LRP1B: variants seen among roughly 807,000 people sequenced by gnomAD.
LRP1B encodes LDL receptor related protein 1B.
In LRP1B, 217 loss-of-function variants were observed where a neutral mutation model predicts 556.6. The ratio of observed to expected loss-of-function variants is 0.39; its 90% CI spans 0.35 to 0.44. The LOEUF is 0.44. LRP1B is among the 20% of genes least tolerant of loss of function. LRP1B has a pLI of 1.00. For synonymous variants in LRP1B, 2,047 were observed against 1,865.8 expected (o/e 1.10, Z -2.50); for missense variants, 5,053 against 5,620.8 (o/e 0.90, Z 3.23).
intron 7 of LRP1B, among the ~76,000 whole-genome samples, chr2:141,089,201 C>G (rs1363057248): frequency 6.6e-6 from 1 of 152,214 alleles, no homozygotes; most frequent in Non-Finnish European, 1.5e-5. Flanking sequence ...CCTTCAGGCA[C>G]AGCGGGCTCT....
At chr2:141,618,241 A>G (rs112843755) in intron 2 of LRP1B, among the ~76,000 whole-genome samples, 2 of 152,214 alleles carry the variant, frequency 1.3e-5, no homozygotes, top group African/African-American at 2.4e-5. Context: ...TGGTGGTGAC[A>G]GTGATTACAG....
rs944847946 is a variant in LRP1B at position 142,014,583 on chromosome 2, G to A, written c.82+116065C>T. ...AATTTTATGTGAAAAGAAAGAAGAG[G>A]AACCAAAAAAAGAGCTGTCACAAAG... On this transcript the variant is annotated intron_variant, in intron 1 of 90. Transcript: ENST00000389484. 2.0e-5 allele frequency among the ~76,000 whole-genome samples: 3 copies of A among 151,976 alleles called. No individual in the cohort carries two copies. In the East Asian group the frequency reaches 5.8e-4, roughly 29 times the overall value.
chr2:141,369,138 C>A (rs1689142960), intron 3 of LRP1B, among the ~76,000 whole-genome samples: 1 of 151,778 alleles, frequency 6.6e-6, no homozygotes, highest in Admixed American at 6.6e-5. Context: ...CACAACTAAC[C>A]AAAATAAAAC....
intron 60 of LRP1B, among the ~76,000 whole-genome samples, chr2:140,468,061 T>C (rs1687620630): frequency 6.6e-6 from 1 of 152,144 alleles, no homozygotes; most frequent in African/African-American, 2.4e-5. Context: ...AATGTAAGAA[T>C]GACCTCAAAA....
intron 2 of LRP1B, among the ~76,000 whole-genome samples, chr2:141,646,000 T>C (rs7559977): frequency 0.018 from 2,664 of 152,208 alleles, 77 homozygotes; most frequent in African/African-American, 0.06. Flanking sequence ...GGATTTAAAC[T>C]CAGAAACTTT....
chr2:140,670,331 C>CA (rs987839151), intron 41 of LRP1B, among the ~76,000 whole-genome samples: 1 of 151,786 alleles, frequency 6.6e-6, no homozygotes, highest in African/African-American at 2.4e-5. Context: ...AAGATATTGA[C>CA]AAAAAAAGGT....
intron 2 of LRP1B, among the ~76,000 whole-genome samples, chr2:141,588,229 A>T (rs906006597): frequency 3.2e-4 from 48 of 147,776 alleles, no homozygotes; most frequent in Admixed American, 5.4e-4. Flanking sequence ...ATTAATCCCC[A>T]ACTTAGGACT....
intron 84 of LRP1B, among the ~76,000 whole-genome samples, chr2:140,284,225 G>A (rs1683029769): frequency 6.6e-6 from 1 of 151,364 alleles, no homozygotes; most frequent in African/African-American, 2.4e-5. Flanking sequence ...AATTCTGATA[G>A]AATCCTAAAG....
intron 1 of LRP1B, among the ~76,000 whole-genome samples, chr2:142,018,820 C>A (rs1328958109): frequency 6.6e-6 from 1 of 151,616 alleles, no homozygotes; most frequent in Non-Finnish European, 1.5e-5. Flanking sequence ...AGATTTGGAG[C>A]TTTCACTAGC....
chr2:142,055,040 T>G (rs4662370), intron 1 of LRP1B, among the ~76,000 whole-genome samples: 89,383 of 151,930 alleles, frequency 0.59, 28,028 homozygotes, highest in East Asian at 0.68. Flanking sequence ...CGTCTTTGCC[T>G]CACCAAATAT....
At chr2:140,881,616 G>A (rs1693477866) in intron 25 of LRP1B, among the ~76,000 whole-genome samples, 4 of 151,862 alleles carry the variant, frequency 2.6e-5, no homozygotes, top group Admixed American at 2.6e-4. Context: ...AGAAATGATT[G>A]TATAAGCATT....
intron 66 of LRP1B, among the ~76,000 whole-genome samples, chr2:140,430,307 T>C (rs960363788): frequency 6.6e-6 from 1 of 152,172 alleles, no homozygotes; most frequent in African/African-American, 2.4e-5. Flanking sequence ...TTTATACTGA[T>C]TCTAAATATG....
At chr2:140,691,729 C>T (rs868257790) in intron 41 of LRP1B, among the ~76,000 whole-genome samples, 1 of 152,016 alleles carries the variant, frequency 6.6e-6, no homozygotes, top group African/African-American at 2.4e-5. Context: ...GTTGCTAATG[C>T]AATTAAATTC....
chr2:140,826,862 T>G (rs1431316198), intron 31 of LRP1B, among the ~76,000 whole-genome samples: 3 of 152,028 alleles, frequency 2.0e-5, no homozygotes, highest in Non-Finnish European at 2.9e-5. Context: ...GAAACACTGT[T>G]CTTTATCTCA....
At chr2:140,434,918 T>C (rs2105289457) in intron 66 of LRP1B, among the ~76,000 whole-genome samples, 1 of 152,286 alleles carries the variant, frequency 6.6e-6, no homozygotes, top group Admixed American at 6.5e-5. Flanking sequence ...TAAGGTTTTT[T>C]TAAGGGGTAA....
intron 84 of LRP1B, among the ~76,000 whole-genome samples, chr2:140,289,011 G>A (rs1488469091): frequency 1.3e-5 from 2 of 151,858 alleles, no homozygotes; most frequent in African/African-American, 4.8e-5. Context: ...CTCAATATCA[G>A]GTGAAGCTGG....
At chr2:141,169,604 G>A (rs909859048) in intron 7 of LRP1B, among the ~76,000 whole-genome samples, 7 of 151,670 alleles carry the variant, frequency 4.6e-5, no homozygotes, top group Admixed American at 2.6e-4. Flanking sequence ...TAAAGTTCCC[G>A]TGTAGTAGGG....
chr2:141,563,604 T>G (rs1207791681), intron 2 of LRP1B, among the ~76,000 whole-genome samples: 1 of 152,022 alleles, frequency 6.6e-6, no homozygotes, highest in East Asian at 1.9e-4. Flanking sequence ...TGTAAAACTA[T>G]GTAGTATCTA....
intron 84 of LRP1B, among the ~76,000 whole-genome samples, chr2:140,297,379 A>G (rs1683651373): frequency 6.6e-6 from 1 of 152,130 alleles, no homozygotes; most frequent in Non-Finnish European, 1.5e-5. Context: ...CTACATAGAA[A>G]GCCTTAGTAA....
Sources: allele counts gnomAD v4.1 joint callset (sites outside exome capture counted in the v4.1 genomes callset), GRCh38; gene constraint gnomAD v4.1.1; transcripts MANE v1.5; gene names NCBI Gene and HGNC (gene_info 2026-07-23, HGNC 2026-07-21).